Variants in ZNF84 observed in about 807,000 individuals in gnomAD.
The protein encoded by ZNF84 is zinc finger protein HPF2.
In ZNF84, 12 loss-of-function variants were observed where a neutral mutation model predicts 14.8. That is an observed-to-expected ratio of 0.81 (90% CI 0.52 to 1.31). The LOEUF is 1.31. ZNF84 is among the 50% of genes most tolerant of loss of function. The pLI is 0.00. For missense variants in ZNF84, 859 were observed against 878.6 expected, an observed-to-expected ratio of 0.98 and a Z score of 0.28; for synonymous variants, 347 against 291.1, an observed-to-expected ratio of 1.19 and a Z score of -1.96.
intron 1 of ZNF84, among the ~76,000 whole-genome samples, chr12:133,040,225 T>C (rs1953862158): frequency 6.6e-6 from 1 of 152,070 alleles, no homozygotes. Flanking sequence ...TGCTAAGATT[T>C]TTAGTGTAGT....
rs1363986981 is a variant in ZNF84 at position 133,059,753 on chromosome 12, G to A, written c.*821G>A. The A allele has an allele frequency of 6.6e-6, 1 of 152,008 alleles. No individual in the cohort carries two copies. The highest frequency in any genetic ancestry group is 2.4e-5 in the African/African-American group (1 of 41,386). 9.4% of individuals were successfully genotyped at this position (152,008 alleles called of 1,614,324 possible). ...TGTGAAGACAACACTACACACCACT[G>A]GTTTTTATTTTTTAACAATAATATA... On this transcript the variant is annotated 3_prime_UTR_variant, in exon 5 of 5. Coordinates refer to ENST00000539354, the MANE Select transcript of ZNF84 (RefSeq NM_001289971.2).
chr12:133,057,944 A>T lies in ZNF84; in HGVS notation c.1229A>T (p.Lys410Ile). The T allele has an allele frequency of 6.2e-7, 1 of 1,614,046 alleles. No individual in the cohort carries two copies. Among genetic ancestry groups the T allele is most frequent in the Non-Finnish European group, 8.5e-7 (1 of 1,180,020 alleles). Reference protein sequence around the residue: ...EKPYECSECRKAFRERSSLIN... With the variant: ...EKPYECSECRIAFRERSSLIN... ...CCCTATGAATGCAGCGAGTGTAGGA[A>T]AGCATTTAGAGAGAGGTCGAGTCTC... The change falls in exon 5 of 5, where the codon AAA (lysine) becomes ATA (isoleucine). Residue 410 changes from lysine (K) to isoleucine (I), a missense_variant. Lys to Ile is a moderately radical substitution (Grantham distance 102). Transcript: ENST00000539354.
intron 1 of ZNF84, among the ~76,000 whole-genome samples, chr12:133,039,210 GTGTGTTTCTGAGTTGGCAC>G (rs1212101426): frequency 2.0e-5 from 3 of 152,198 alleles, no homozygotes; most frequent in African/African-American, 7.2e-5. Context: ...AGAAACTGCT[GTGTGTTTCTGAGTTGGCAC>G]TGAAGTTTGA....
At chr12:133,045,566 G>A (rs1953966610) in intron 2 of ZNF84, among the ~76,000 whole-genome samples, 1 of 152,066 alleles carries the variant, frequency 6.6e-6, no homozygotes, top group Non-Finnish European at 1.5e-5. Context: ...CTGAGCCCAG[G>A]AGGCAGAGGT....
rs1954270835 is a variant in ZNF84, at chr12:133,061,908, T to G, written c.*2976T>G. ...AGAGCTCTGATTCTGCAATTAGAGA[T>G]TTTTTAATGTGTTTTTGAAATTACC... is the stretch of plus-strand genomic sequence containing the variant. On this transcript the variant is annotated 3_prime_UTR_variant, in exon 5 of 5. Transcript: ENST00000539354. The G allele has an allele frequency of 3.3e-5, 5 of 152,160 alleles. No individual in the cohort carries two copies. The allele number at this position is 152,160 out of a possible 1,614,324, so 9.4% of individuals were successfully genotyped here. A position where few individuals can be genotyped will look rare whatever the true frequency, so the allele number is the denominator to read the frequency against.
Position 133,063,226 on chromosome 12 carries a change from C to A in ZNF84, c.*4294C>A. On this transcript the variant is annotated 3_prime_UTR_variant, in exon 5 of 5. Coordinates refer to ENST00000539354, the MANE Select transcript of ZNF84 (RefSeq NM_001289971.2). Reference sequence around the variant, plus strand: ...CTTCATGTTCAGGTCCACCTCTGCCCTTTTCATGTCTTGATTGTTGAATTC... The same window carrying A: ...CTTCATGTTCAGGTCCACCTCTGCCATTTTCATGTCTTGATTGTTGAATTC... 1.4e-6 allele frequency: 1 copy of A among 702,354 alleles called. No individual in the cohort carries two copies. The highest frequency in any genetic ancestry group is 2.6e-6 in the Non-Finnish European group (1 of 384,834). The allele number at this position is 702,354 out of a possible 1,614,324, so 43.5% of individuals were successfully genotyped here.
At chr12:133,039,719 A>G (rs888288177) in intron 1 of ZNF84, among the ~76,000 whole-genome samples, 1 of 152,188 alleles carries the variant, frequency 6.6e-6, no homozygotes, top group Non-Finnish European at 1.5e-5. Context: ...TGTGAGGTCC[A>G]CTTTATCTTC....
chr12:133,046,880 TTATA>T (rs1261533029), intron 2 of ZNF84, among the ~76,000 whole-genome samples: 1 of 105,862 alleles, frequency 9.4e-6, no homozygotes, highest in Non-Finnish European at 1.9e-5. Context: ...TTATATATAT[TTATA>T]TATTATTTTT....
intron 2 of ZNF84, 43 bp from the exon 3 acceptor site, chr12:133,047,912 C>T (rs757988738): frequency 4.6e-5 from 74 of 1,601,814 alleles, no homozygotes; most frequent in Middle Eastern, 1.7e-4. Context: ...TCACATCATA[C>T]GGTGTTAACT....
chr12:133,041,025 A>T (rs1953877634), intron 1 of ZNF84: 1 of 166,496 alleles, frequency 6.0e-6, no homozygotes, highest in African/African-American at 2.4e-5. Context: ...ACTGATTTGC[A>T]TTTCAGCATT....
At chr12:133,051,822 C>G (rs1367923536) in intron 4 of ZNF84, among the ~76,000 whole-genome samples, 2 of 152,174 alleles carry the variant, frequency 1.3e-5, no homozygotes, top group Non-Finnish European at 2.9e-5. Context: ...TTCTCAGATG[C>G]CAGCCAGGGG....
intron 1 of ZNF84, among the ~76,000 whole-genome samples, chr12:133,040,280 A>T (rs1313247610): frequency 6.6e-6 from 1 of 152,102 alleles, no homozygotes. Context: ...AGAATGCTGA[A>T]GCCAGGTGTG....
intron 4 of ZNF84, among the ~76,000 whole-genome samples, chr12:133,056,113 A>T (rs1954152688): frequency 6.6e-6 from 1 of 152,226 alleles, no homozygotes; most frequent in Admixed American, 6.5e-5. Flanking sequence ...TCATTGTTTA[A>T]GCTTGAAATG....
chr12:133,046,143 A>G (rs1202863708), intron 2 of ZNF84, among the ~76,000 whole-genome samples: 2 of 151,812 alleles, frequency 1.3e-5, no homozygotes, highest in African/African-American at 4.8e-5. Context: ...TCTTGATCCA[A>G]AATCTAGTCA....
At chr12:133,039,267 G>A (rs1953844361) in intron 1 of ZNF84, among the ~76,000 whole-genome samples, 2 of 152,166 alleles carry the variant, frequency 1.3e-5, no homozygotes, top group Non-Finnish European at 2.9e-5. Context: ...AAAAGAAAGT[G>A]CTGCTTGTTA....
At position 133,048,950 on chromosome 12, in the gene ZNF84, G is replaced by A. The variant is rs1954029719; in HGVS notation, c.238+102G>A. On this transcript the variant is annotated intron_variant, in intron 4 of 4. Transcript: ENST00000539354. ...AGTGATGGGTGGGCTGGTCAGTGAT[G>A]GGTTGGCTGGTCAGTGACGGGTGGG... The A allele has an allele frequency of 3.3e-6, 3 of 905,186 alleles. No homozygotes were observed. The African/African-American group carries it at 5.0e-5, about 15-fold the overall frequency. 56.1% of individuals were successfully genotyped at this position (905,186 alleles called of 1,614,324 possible). A position where few individuals can be genotyped will look rare whatever the true frequency, so the allele number is the denominator to read the frequency against.
At chr12:133,042,182 G>T (rs1953899205) in intron 2 of ZNF84, among the ~76,000 whole-genome samples, 1 of 152,090 alleles carries the variant, frequency 6.6e-6, no homozygotes, top group Non-Finnish European at 1.5e-5. Context: ...TATTTTAGTA[G>T]CCCTTATTTT....
chr12:133,042,652 G>A (rs890304190), intron 2 of ZNF84, among the ~76,000 whole-genome samples: 7 of 152,296 alleles, frequency 4.6e-5, no homozygotes, highest in Admixed American at 2.0e-4. Context: ...ATGTTCTCTA[G>A]AGAAACGCTA....
intron 4 of ZNF84, among the ~76,000 whole-genome samples, chr12:133,051,061 A>G (rs1174778376): frequency 1.3e-5 from 2 of 151,436 alleles, no homozygotes; most frequent in Admixed American, 1.3e-4. Flanking sequence ...AGATGGGACT[A>G]CAGGTGTGTG....
Sources: allele counts gnomAD v4.1 joint callset (sites outside exome capture counted in the v4.1 genomes callset), GRCh38; gene constraint gnomAD v4.1.1; transcripts MANE v1.5; gene names NCBI Gene and HGNC (gene_info 2026-07-23, HGNC 2026-07-21).